Variants in PEX14 observed in about 807,000 individuals in gnomAD.
The protein encoded by PEX14 is peroxisomal biogenesis factor 14, also known as peroxisomal membrane protein PEX14.
Under a neutral mutation model 49.5 loss-of-function variants are expected in PEX14, and 15 were observed. That is an observed-to-expected ratio of 0.30 (90% CI 0.20 to 0.47). PEX14 has a LOEUF of 0.47. PEX14 is among the 20% of genes least tolerant of loss of function. The probability of loss-of-function intolerance (pLI) is 1.00; values close to 1 mark genes in which losing one functional copy is unlikely to be tolerated. For missense variants in PEX14, 398 were observed against 494.8 expected, an observed-to-expected ratio of 0.80 and a Z score of 1.86; for synonymous variants, 210 against 212.7, an observed-to-expected ratio of 0.99 and a Z score of 0.11.
chr1:10,578,597 AC>A (rs1412871883), intron 3 of PEX14, among the ~76,000 whole-genome samples: 1 of 152,118 alleles, frequency 6.6e-6, no homozygotes, highest in Non-Finnish European at 1.5e-5. Context: ...TGAAATGAAA[AC>A]TCAGTTAATA....
chr1:10,594,587 C>T (rs556207962), intron 3 of PEX14, among the ~76,000 whole-genome samples: 22 of 152,318 alleles, frequency 1.4e-4, no homozygotes, highest in African/African-American at 5.3e-4. Flanking sequence ...ACCCTTCTGT[C>T]CTGGTTGTTG....
chr1:10,507,998 A>G (rs980278521), intron 2 of PEX14, among the ~76,000 whole-genome samples: 1 of 152,092 alleles, frequency 6.6e-6, no homozygotes, highest in Non-Finnish European at 1.5e-5. Context: ...AGGTTTTGAA[A>G]CTTTCCCCCA....
intron 4 of PEX14, among the ~76,000 whole-genome samples, chr1:10,612,516 T>G (rs1411470566): frequency 6.6e-6 from 1 of 152,242 alleles, no homozygotes; most frequent in Non-Finnish European, 1.5e-5. Context: ...ACAGGACTAC[T>G]GTTGGGCTAC....
intron 3 of PEX14, among the ~76,000 whole-genome samples, chr1:10,542,015 C>T (rs1489945196): frequency 1.3e-5 from 2 of 152,116 alleles, no homozygotes; most frequent in Non-Finnish European, 2.9e-5. Flanking sequence ...TTTTCTTAAA[C>T]TTGCGTGCCT....
intron 3 of PEX14, among the ~76,000 whole-genome samples, chr1:10,576,515 C>T (rs956076286): frequency 1.8e-4 from 28 of 152,236 alleles, no homozygotes; most frequent in African/African-American, 6.3e-4. Context: ...TTATGGTTTA[C>T]GTTTTTATAT....
intron 2 of PEX14, among the ~76,000 whole-genome samples, chr1:10,520,311 A>G (rs1384627786): frequency 2.6e-5 from 4 of 151,974 alleles, no homozygotes; most frequent in Non-Finnish European, 5.9e-5. Context: ...GGCATATGCC[A>G]ACATGCCCAG....
chr1:10,584,459 C>T (rs1214002215), intron 3 of PEX14, among the ~76,000 whole-genome samples: 1 of 152,120 alleles, frequency 6.6e-6, no homozygotes, highest in East Asian at 1.9e-4. Flanking sequence ...ATGAGCTTCC[C>T]CGACTCCCAC....
intron 3 of PEX14, among the ~76,000 whole-genome samples, chr1:10,563,559 A>G (rs1401228650): frequency 3.3e-5 from 5 of 151,336 alleles, no homozygotes; most frequent in Non-Finnish European, 5.9e-5. Flanking sequence ...CGGGAGGCGG[A>G]GGTTGCTGTG....
chr1:10,622,082 C>G (rs1215754763), intron 5 of PEX14, among the ~76,000 whole-genome samples: 1 of 152,096 alleles, frequency 6.6e-6, no homozygotes, highest in Admixed American at 6.5e-5. Flanking sequence ...GCACATGTTC[C>G]TACACGCAGC....
chr1:10,582,678 C>G (rs1156984342), intron 3 of PEX14, among the ~76,000 whole-genome samples: 1 of 152,152 alleles, frequency 6.6e-6, no homozygotes, highest in African/African-American at 2.4e-5. Flanking sequence ...GATGAATAAA[C>G]TAGTTTGCTT....
chr1:10,570,998 G>A (rs1475993515), intron 3 of PEX14, among the ~76,000 whole-genome samples: 2 of 147,912 alleles, frequency 1.4e-5, no homozygotes, highest in East Asian at 2.0e-4. Flanking sequence ...ACAGGCACAC[G>A]CCACCACGCC....
intron 3 of PEX14, among the ~76,000 whole-genome samples, chr1:10,551,947 G>A (rs1312759377): frequency 6.6e-6 from 1 of 152,130 alleles, no homozygotes; most frequent in East Asian, 1.9e-4. Context: ...ACAAAAATTA[G>A]CCGGGTGTGG....
Position 10,475,003 on chromosome 1 carries a change from G to C in PEX14, c.36+1G>C. 1 of 1,609,866 alleles carries C rather than the reference G, an allele frequency of 6.2e-7. No individual in the cohort carries two copies. Among genetic ancestry groups the C allele is most frequent in the Non-Finnish European group, 8.5e-7 (1 of 1,178,338 alleles). On this transcript the variant is annotated splice_donor_variant, in intron 1 of 8. Transcript: ENST00000356607. LOFTEE classifies it high-confidence loss of function. The stretch of plus-strand genomic sequence containing the variant: ...GGAGCAGGCAGAGCAGCCGAGCCAG[G>C]TAAGGGGAGTGGGACTGCCCCGCTG...
At chr1:10,624,844 C>T (rs989050567) in intron 7 of PEX14, among the ~76,000 whole-genome samples, 1 of 152,096 alleles carries the variant, frequency 6.6e-6, no homozygotes, top group African/African-American at 2.4e-5. Flanking sequence ...AGGGGAGAAG[C>T]GAGTCGCAGT....
chr1:10,630,252 G>T lies in PEX14; in HGVS notation c.*265G>T. ...GCTTTGATCTCAAGTCAGGCTGAAGGCAGCGAAGCCTCGGGGCCCAAGCCC... is the reference window on the plus strand; with the variant it reads ...GCTTTGATCTCAAGTCAGGCTGAAGTCAGCGAAGCCTCGGGGCCCAAGCCC... On this transcript the variant is annotated 3_prime_UTR_variant, in exon 9 of 9. Coordinates refer to ENST00000356607, the MANE Select transcript of PEX14 (RefSeq NM_004565.3). This position sits in a 1 kb window ranked among gnomAD's most constrained non-coding sequence, Gnocchi z 4.1. 1.7e-6 allele frequency: 1 copy of T among 586,926 alleles called. No homozygotes were observed. The highest frequency in any genetic ancestry group is 2.2e-5 in the South Asian group (1 of 46,390). The allele number at this position is 586,926 out of a possible 1,614,324, so 36.4% of individuals were successfully genotyped here.
chr1:10,520,156 TTTTTTTG>T (rs1338460152), intron 2 of PEX14, among the ~76,000 whole-genome samples: 2 of 93,948 alleles, frequency 2.1e-5, no homozygotes, highest in African/African-American at 3.5e-5. Context: ...TTCTTTTTTT[TTTTTTTG>T]TTTTTTTAAC....
intron 2 of PEX14, among the ~76,000 whole-genome samples, chr1:10,523,820 T>A (rs1419712708): frequency 9.5e-6 from 1 of 105,748 alleles, no homozygotes; most frequent in African/African-American, 3.0e-5. Context: ...CTGTTTCCTT[T>A]TAGTTAAAAA....
At chr1:10,515,977 T>C (rs566807210) in intron 2 of PEX14, among the ~76,000 whole-genome samples, 8 of 152,246 alleles carry the variant, frequency 5.3e-5, no homozygotes, top group Non-Finnish European at 1.2e-4. Context: ...TGCCATGGAG[T>C]TAGACTCAGT....
At chr1:10,622,660 C>T (rs556378249) in intron 5 of PEX14, among the ~76,000 whole-genome samples, 79 of 152,276 alleles carry the variant, frequency 5.2e-4, no homozygotes, top group African/African-American at 1.8e-3. Flanking sequence ...CTTGTGTGTC[C>T]ATCCACATTT....
Sources: allele counts gnomAD v4.1 joint callset (sites outside exome capture counted in the v4.1 genomes callset), GRCh38; gene constraint gnomAD v4.1.1; non-coding constraint Gnocchi (gnomAD v3.1); transcripts MANE v1.5; gene names NCBI Gene and HGNC (gene_info 2026-07-23, HGNC 2026-07-21).